CD99: variants seen among roughly 807,000 people sequenced by gnomAD.
The protein encoded by CD99 is CD99 molecule (Xg blood group).
In CD99, 19 loss-of-function variants were observed where a neutral mutation model predicts 28.4. The ratio of observed to expected loss-of-function variants is 0.67; its 90% CI spans 0.47 to 0.98. CD99 has a LOEUF of 0.98. Ranked by LOEUF, CD99 falls within the 50% of genes least tolerant of loss-of-function variation. The pLI is 0.00. For synonymous variants in CD99, 103 were observed against 92.1 expected, an observed-to-expected ratio of 1.12 and a Z score of -0.67; for missense variants, 283 against 248.8, an observed-to-expected ratio of 1.14 and a Z score of -0.92.
At chrX:2,706,216 C>G (rs1297726011) in intron 1 of CD99, among the ~76,000 whole-genome samples, 1 of 151,986 alleles carries the variant, frequency 6.6e-6, no homozygotes, top group Admixed American at 6.6e-5. Context: ...AAAAATCAGC[C>G]GGGCGTGGTG....
rs373954370 is a variant in CD99, at chrX:2,722,518, A to G, written c.263-109A>G. 8.5e-5 allele frequency: 78 copies of G among 919,748 alleles called. 1 individual carries two copies. Among genetic ancestry groups the G allele is most frequent in the South Asian group, 5.2e-4 (40 of 76,416 alleles). The allele number at this position is 919,748 out of a possible 1,614,324, so 57.0% of individuals were successfully genotyped here. ...ATATTCTTAGTGGAGATGGGGTTTC[A>G]CCATGTTGATGAACAGGCCGGTTTT... On this transcript the variant is annotated intron_variant, in intron 5 of 9. Coordinates refer to ENST00000381192, the MANE Select transcript of CD99 (RefSeq NM_002414.5).
chrX:2,723,242 T>G (rs1381400153), intron 6 of CD99, 72 bp from the exon 7 acceptor site: 1 of 1,508,386 alleles, frequency 6.6e-7, no homozygotes, highest in Admixed American at 1.7e-5. Flanking sequence ...CCCCAGCCTC[T>G]TCACGGTCCT....
At chrX:2,693,616 G>T (rs990782744) in intron 1 of CD99, among the ~76,000 whole-genome samples, 6 of 152,178 alleles carry the variant, frequency 3.9e-5, no homozygotes, top group African/African-American at 1.4e-4. Context: ...GCAAAACCCC[G>T]TTGAGCCTGA....
At chrX:2,726,154 G>A in intron 7 of CD99, 106 bp from the exon 8 acceptor site, 1 of 685,404 alleles carries the variant, frequency 1.5e-6, no homozygotes, top group Non-Finnish European at 2.6e-6. Flanking sequence ...GATGTTCTGA[G>A]GATCTTGGTG....
chrX:2,692,057 C>T (rs1437806830), intron 1 of CD99: 6 of 620,502 alleles, frequency 9.7e-6, no homozygotes, highest in African/African-American at 9.2e-5. Context: ...CCAAATTGTC[C>T]ATCTGCGGCG....
chrX:2,720,514 T>C, intron 5 of CD99, 90 bp downstream of exon 5: 1 of 1,258,276 alleles, frequency 7.9e-7, no homozygotes, highest in Non-Finnish European at 1.2e-6. Context: ...TTCAGATGAG[T>C]GTGTGCTTAC....
chrX:2,691,476 G>C (rs776571373), intron 1 of CD99, 49 bp downstream of exon 1: 1 of 1,539,292 alleles, frequency 6.5e-7, no homozygotes. Context: ...GGCGCGGGCC[G>C]GGACTGGGGA....
intron 8 of CD99, among the ~76,000 whole-genome samples, chrX:2,730,760 C>T (rs2049556676): frequency 1.3e-5 from 2 of 152,034 alleles, no homozygotes; most frequent in African/African-American, 4.8e-5. Flanking sequence ...GAAACCCCGT[C>T]TCTACTAAAA....
chrX:2,728,178 G>A (rs1000698074), intron 8 of CD99, among the ~76,000 whole-genome samples: 6 of 151,082 alleles, frequency 4.0e-5, no homozygotes, highest in African/African-American at 1.2e-4. Context: ...GCAGACGAGT[G>A]GGAAATGGTG....
chrX:2,710,414 TG>T (rs1042307729), intron 1 of CD99, among the ~76,000 whole-genome samples: 27 of 152,280 alleles, frequency 1.8e-4, no homozygotes, highest in Non-Finnish European at 3.5e-4. Flanking sequence ...GTTTCTTTAG[TG>T]ACGGTGTCTA....
chrX:2,732,937 CTCTCCTTCCCTT>C (rs2049739324), intron 8 of CD99, among the ~76,000 whole-genome samples: 1 of 147,374 alleles, frequency 6.8e-6, no homozygotes, highest in South Asian at 2.2e-4. Flanking sequence ...CTCCTTCCCT[CTCTCCTTCCCTT>C]CCTCCCTCCC....
intron 8 of CD99, among the ~76,000 whole-genome samples, chrX:2,728,860 G>A (rs776017650): frequency 1.5e-5 from 2 of 136,330 alleles, no homozygotes; most frequent in African/African-American, 5.7e-5. Flanking sequence ...TTTTTGAGAC[G>A]GAGTCTCGCT....
intron 8 of CD99, among the ~76,000 whole-genome samples, chrX:2,734,086 C>G (rs1483222807): frequency 5.3e-5 from 8 of 152,176 alleles, no homozygotes; most frequent in Non-Finnish European, 1.0e-4. Context: ...CTTGGATTCT[C>G]TCATATCCCT....
intron 1 of CD99, among the ~76,000 whole-genome samples, chrX:2,704,807 C>T (rs1232335705): frequency 6.6e-6 from 1 of 152,112 alleles, no homozygotes; most frequent in African/African-American, 2.4e-5. Flanking sequence ...TCAACCTCCA[C>T]AAGCGCAGGC....
intron 1 of CD99, chrX:2,692,243 CATGTTATAAATTCTTTTTT>C (rs775609466): frequency 0.36 from 116,519 of 326,718 alleles, 21,472 homozygotes; most frequent in South Asian, 0.38. Context: ...ATTCTTTTTT[CATGTTATAAATTCTTTTTT>C]CAATGGTCAG....
chrX:2,703,068 C>T (rs935658636), intron 1 of CD99, among the ~76,000 whole-genome samples: 2 of 152,122 alleles, frequency 1.3e-5, no homozygotes, highest in Admixed American at 6.5e-5. Flanking sequence ...GGATTACAGG[C>T]GTGAGCCACC....
chrX:2,723,782 T>C (rs957621354), intron 7 of CD99, among the ~76,000 whole-genome samples: 2 of 152,194 alleles, frequency 1.3e-5, no homozygotes, highest in African/African-American at 4.8e-5. Flanking sequence ...CCACCCTGGC[T>C]GTAACAGGCA....
At chrX:2,692,502 T>G (rs867338079) in intron 1 of CD99, among the ~76,000 whole-genome samples, 1 of 152,164 alleles carries the variant, frequency 6.6e-6, no homozygotes, top group Non-Finnish European at 1.5e-5. Flanking sequence ...TGCTAATGGA[T>G]TTACACCCTC....
intron 1 of CD99, among the ~76,000 whole-genome samples, chrX:2,699,465 G>GC (rs2047741636): frequency 7.4e-6 from 1 of 135,960 alleles, no homozygotes; most frequent in African/African-American, 2.9e-5. Flanking sequence ...ACCGCGCCCA[G>GC]CCTTTTTTTT....
Sources: allele counts gnomAD v4.1 joint callset (sites outside exome capture counted in the v4.1 genomes callset), GRCh38; gene constraint gnomAD v4.1.1; transcripts MANE v1.5; gene names NCBI Gene and HGNC (gene_info 2026-07-23, HGNC 2026-07-21).